Variants in R3HDM2 observed in about 807,000 individuals in gnomAD.
R3HDM2 encodes the protein R3H domain-containing protein 2.
R3HDM2 carries 38 observed loss-of-function variants against 124.5 expected under a neutral mutation model. The observed-to-expected ratio is 0.31, with a 90% CI of 0.24 to 0.40. The LOEUF (loss-of-function observed/expected upper bound fraction) is 0.40, where lower values mean the gene tolerates loss of function less well. R3HDM2 is among the 10% of genes least tolerant of loss of function. The probability of loss-of-function intolerance (pLI) is 1.00; values close to 1 mark genes in which losing one functional copy is unlikely to be tolerated. For synonymous variants in R3HDM2, 391 were observed against 448.0 expected (o/e 0.87, Z 1.61); for missense variants, 869 against 1,236.9 (o/e 0.70, Z 4.46).
At chr12:57,342,131 G>T (rs1174514499) in intron 2 of R3HDM2, among the ~76,000 whole-genome samples, 1 of 151,982 alleles carries the variant, frequency 6.6e-6, no homozygotes, top group Non-Finnish European at 1.5e-5. Flanking sequence ...GGAGTTCAAG[G>T]ACTTTTATAT....
chr12:57,256,799 C>T (rs2039139740), intron 21 of R3HDM2, among the ~76,000 whole-genome samples: 1 of 150,846 alleles, frequency 6.6e-6, no homozygotes, highest in Middle Eastern at 3.4e-3. Context: ...ACTTACAGAC[C>T]CTTATGAATG....
chr12:57,285,437 G>A (rs1450637983), intron 12 of R3HDM2, among the ~76,000 whole-genome samples: 1 of 138,858 alleles, frequency 7.2e-6, no homozygotes. Flanking sequence ...AAGACTGAGA[G>A]AGAGAGAGAG....
At position 57,409,249 on chromosome 12, in the gene R3HDM2, T is replaced by G. The variant is rs369778740; in HGVS notation, c.-105-13431A>C. Among the ~76,000 whole-genome samples, 11 of 152,208 alleles carry G rather than the reference T, an allele frequency of 7.2e-5. No homozygotes were observed. In the East Asian group the frequency reaches 1.2e-3, roughly 16 times the overall value. ...TTCCTTATCACCCCAATAGCCACTC[T>G]GCACTAAAATTAAGTTTTTACTCTA... On this transcript the variant is annotated intron_variant, in intron 1 of 23. Transcript: ENST00000402412.
intron 14 of R3HDM2, among the ~76,000 whole-genome samples, chr12:57,277,333 G>C (rs573090543): frequency 6.6e-6 from 1 of 152,210 alleles, no homozygotes; most frequent in African/African-American, 2.4e-5. Context: ...TGCTTGGACA[G>C]AGGAGCCCTG....
intron 1 of R3HDM2, among the ~76,000 whole-genome samples, chr12:57,413,075 C>T (rs1379331093): frequency 2.0e-5 from 3 of 151,920 alleles, no homozygotes; most frequent in Admixed American, 6.6e-5. Context: ...ATTGCCTGAA[C>T]CCAGAAGGCA....
At chr12:57,349,090 G>C (rs1037737806) in intron 2 of R3HDM2, among the ~76,000 whole-genome samples, 2 of 151,412 alleles carry the variant, frequency 1.3e-5, no homozygotes, top group African/African-American at 4.9e-5. Flanking sequence ...TGGATTACTT[G>C]AAAATCAAGG....
intron 2 of R3HDM2, among the ~76,000 whole-genome samples, chr12:57,380,134 A>G (rs1178637134): frequency 2.6e-5 from 4 of 152,144 alleles, no homozygotes; most frequent in Non-Finnish European, 5.9e-5. Context: ...GGAAAACGAA[A>G]CCTTTCTTCC....
intron 1 of R3HDM2, among the ~76,000 whole-genome samples, chr12:57,429,526 C>T (rs1028960856): frequency 5.9e-5 from 9 of 152,226 alleles, no homozygotes; most frequent in Non-Finnish European, 8.8e-5. Flanking sequence ...AGTTCCAGAC[C>T]AGCCTGGGCA....
rs1425414108 is a variant in R3HDM2, at chr12:57,310,384, T to C, written c.45A>G (p.Lys15=). The C allele has an allele frequency of 6.5e-7, 1 of 1,548,860 alleles. No individual in the cohort carries two copies. The highest frequency in any genetic ancestry group is 8.7e-7 in the Non-Finnish European group (1 of 1,145,396). Residue 15 remains lysine (K), a synonymous_variant, in exon 3 of 24, where the codon AAA becomes AAG. Transcript: ENST00000402412. ...CTTCCACCAGTTTTTTTTCTGATTC[T>C]TTCATTATTTCCAGGGTCTCTTGAG... ...NTTQETLEIM[K]ESEKKLVEES...
intron 2 of R3HDM2, among the ~76,000 whole-genome samples, chr12:57,376,832 T>G (rs1184262397): frequency 1.3e-5 from 2 of 151,778 alleles, no homozygotes. Context: ...GTGCCTGTAA[T>G]CCCAGCTACT....
At chr12:57,334,077 T>C (rs551319566) in intron 2 of R3HDM2, among the ~76,000 whole-genome samples, 65 of 151,630 alleles carry the variant, frequency 4.3e-4, no homozygotes, top group African/African-American at 1.4e-3. Flanking sequence ...GCTTCACATA[T>C]ATAAAAAAAA....
intron 2 of R3HDM2, among the ~76,000 whole-genome samples, chr12:57,319,541 C>T (rs1377247889): frequency 1.3e-5 from 2 of 152,110 alleles, no homozygotes; most frequent in Non-Finnish European, 2.9e-5. Context: ...CCTGTTTAGC[C>T]TTCTGTGCGA....
chr12:57,400,035 G>A (rs1318790227), intron 1 of R3HDM2, among the ~76,000 whole-genome samples: 1 of 152,034 alleles, frequency 6.6e-6, no homozygotes, highest in Admixed American at 6.6e-5. Context: ...GATTCCTCAG[G>A]GATCTAGAAC....
At chr12:57,334,178 G>C (rs1329201760) in intron 2 of R3HDM2, among the ~76,000 whole-genome samples, 1 of 152,202 alleles carries the variant, frequency 6.6e-6, no homozygotes, top group East Asian at 1.9e-4. Flanking sequence ...ATAGGTGGTA[G>C]GTATTTCCCA....
chr12:57,275,031 A>C (rs569635958), intron 14 of R3HDM2, among the ~76,000 whole-genome samples: 2 of 152,350 alleles, frequency 1.3e-5, no homozygotes, highest in African/African-American at 4.8e-5. Flanking sequence ...AGCAAAAAGA[A>C]CAAATCTGGA....
At chr12:57,378,644 G>T (rs1331757147) in intron 2 of R3HDM2, among the ~76,000 whole-genome samples, 1 of 152,140 alleles carries the variant, frequency 6.6e-6, no homozygotes, top group Admixed American at 6.5e-5. Flanking sequence ...CTCCCAAAGT[G>T]CTGCAATTAC....
intron 2 of R3HDM2, among the ~76,000 whole-genome samples, chr12:57,337,210 A>G (rs1303617149): frequency 2.0e-5 from 3 of 151,948 alleles, no homozygotes; most frequent in Non-Finnish European, 4.4e-5. Context: ...TGGATGGAGT[A>G]TAGTGGTGCT....
chr12:57,333,816 G>C (rs1354394561), intron 2 of R3HDM2, among the ~76,000 whole-genome samples: 1 of 152,094 alleles, frequency 6.6e-6, no homozygotes, highest in South Asian at 2.1e-4. Context: ...GCTGAGGCGG[G>C]TGGATGACGA....
intron 2 of R3HDM2, among the ~76,000 whole-genome samples, chr12:57,353,050 T>C (rs1405907006): frequency 6.6e-6 from 1 of 152,176 alleles, no homozygotes; most frequent in Admixed American, 6.6e-5. Context: ...AAAACAGATA[T>C]ACAAGATTCT....
Sources: gnomAD v4.1 joint callset for allele counts (sites outside exome capture counted in the v4.1 genomes callset) on GRCh38, gnomAD v4.1.1 for gene constraint, MANE v1.5 for transcripts, NCBI Gene and HGNC (gene_info 2026-07-23, HGNC 2026-07-21) for gene names.